Variants in PEBP4 observed in about 807,000 individuals in gnomAD.
PEBP4 encodes the protein phosphatidylethanolamine binding protein 4.
Under a neutral mutation model 23.9 loss-of-function variants are expected in PEBP4, and 22 were observed. The ratio of observed to expected loss-of-function variants is 0.92; its 90% confidence interval spans 0.66 to 1.31. The LOEUF is 1.31. PEBP4 is among the 40% of genes most tolerant of loss of function. The pLI is 0.00. For missense variants in PEBP4, 324 were observed against 281.7 expected (o/e 1.15, Z -1.07); for synonymous variants, 112 against 99.3 (o/e 1.13, Z -0.76).
intron 4 of PEBP4, among the ~76,000 whole-genome samples, chr8:22,753,743 G>A (rs1216177917): frequency 3.9e-5 from 6 of 152,204 alleles, no homozygotes; most frequent in Non-Finnish European, 7.3e-5. Context: ...CCGGGCTGGT[G>A]GCCGCCTCAA....
rs541612178 is a variant in PEBP4, at chr8:22,738,109, C to T, written c.358-10889G>A. On this transcript the variant is annotated intron_variant, in intron 4 of 6. Coordinates refer to ENST00000256404, the MANE Select transcript of PEBP4 (RefSeq NM_144962.3). ...TCAGCTGTGAATGTTGGGCCTGCCC[C>T]GCTGGGCCTATACTCAGCCAGGGTG... is the stretch of plus-strand genomic sequence containing the variant. Among the ~76,000 whole-genome samples the T allele has an allele frequency of 2.1e-3, 326 of 152,314 alleles. 2 individuals carry two copies. The highest frequency in any genetic ancestry group is 3.6e-3 in the Non-Finnish European group (247 of 68,028).
chr8:22,890,910 T>C (rs2128774651), intron 3 of PEBP4, among the ~76,000 whole-genome samples: 1 of 152,312 alleles, frequency 6.6e-6, no homozygotes, highest in Non-Finnish European at 1.5e-5. Context: ...TCACTGCAAC[T>C]TCTGCCTCCC....
Position 22,832,840 on chromosome 8 carries a change from C to T in PEBP4, c.259-15105G>A, listed in dbSNP as rs979134411. On this transcript the variant is annotated intron_variant, in intron 3 of 6. Transcript: ENST00000256404. ...ATTCCTAGAGATAGCAAACACCCAC[C>T]CCAGAGCACATTCTTCAAATGCCAG... Among the ~76,000 whole-genome samples, 77 of 152,150 alleles carry T rather than the reference C, an allele frequency of 5.1e-4. 1 individual carries two copies. Among genetic ancestry groups the T allele is most frequent in the Admixed American group, 2.4e-3 (36 of 15,286 alleles).
intron 4 of PEBP4, among the ~76,000 whole-genome samples, chr8:22,761,260 G>A (rs768417614): frequency 6.6e-5 from 10 of 152,170 alleles, no homozygotes; most frequent in Non-Finnish European, 1.5e-4. Context: ...GTTTGTGTGT[G>A]TGTGAACCCC....
intron 3 of PEBP4, among the ~76,000 whole-genome samples, chr8:22,860,385 T>G (rs1807751597): frequency 6.6e-6 from 1 of 151,976 alleles, no homozygotes; most frequent in South Asian, 2.1e-4. Context: ...AACGACTCCC[T>G]CTTCCCTCTC....
chr8:22,779,329 T>C lies in PEBP4; in HGVS notation c.357+38308A>G, dbSNP rs1805873388. On this transcript the variant is annotated intron_variant, in intron 4 of 6. Coordinates refer to ENST00000256404, the MANE Select transcript of PEBP4 (RefSeq NM_144962.3). ...CTAAGACGGCTGTTATTGGCCTCAA[T>C]TTACAAAGAATCTGAGCTGCAGAGA... is the stretch of plus-strand genomic sequence containing the variant. Among the ~76,000 whole-genome samples the C allele has an allele frequency of 1.3e-5, 2 of 152,078 alleles. 1 individual carries two copies. The highest frequency in any genetic ancestry group is 4.1e-4 in the South Asian group (2 of 4,828).
chr8:22,831,595 C>T (rs986889402), intron 3 of PEBP4, among the ~76,000 whole-genome samples: 1 of 152,082 alleles, frequency 6.6e-6, no homozygotes, highest in African/African-American at 2.4e-5. Context: ...TAGTAGCCTA[C>T]AGGGGGAGTT....
chr8:22,720,268 C>T (rs1191520618), intron 6 of PEBP4, among the ~76,000 whole-genome samples: 1 of 152,200 alleles, frequency 6.6e-6, no homozygotes, highest in African/African-American at 2.4e-5. Flanking sequence ...ACTAGAGATG[C>T]CAACAGCAGG....
chr8:22,929,215 T>G (rs1305493295), upstream of PEBP4, among the ~76,000 whole-genome samples: 2 of 152,198 alleles, frequency 1.3e-5, no homozygotes, highest in Non-Finnish European at 2.9e-5. Flanking sequence ...ATTCATTCAT[T>G]CCTTTGCAAC....
chr8:22,877,244 T>A (rs1043118956), intron 3 of PEBP4, among the ~76,000 whole-genome samples: 2 of 152,198 alleles, frequency 1.3e-5, no homozygotes, highest in African/African-American at 4.8e-5. Context: ...TCTCTCCCTG[T>A]CCTCAGTTGT....
intron 4 of PEBP4, among the ~76,000 whole-genome samples, chr8:22,782,946 C>G (rs182582432): frequency 6.6e-6 from 1 of 152,222 alleles, no homozygotes; most frequent in Admixed American, 6.5e-5. Context: ...GCTCCCTCAG[C>G]TTTCCTGCCC....
chr8:22,736,745 T>C (rs756123356), intron 4 of PEBP4, among the ~76,000 whole-genome samples: 3 of 152,366 alleles, frequency 2.0e-5, no homozygotes, highest in African/African-American at 7.2e-5. Context: ...TAGCTTTTGA[T>C]ATCAACCTCA....
intron 3 of PEBP4, among the ~76,000 whole-genome samples, chr8:22,855,884 AT>A (rs1302776304): frequency 6.6e-6 from 1 of 151,902 alleles, no homozygotes; most frequent in Non-Finnish European, 1.5e-5. Context: ...TTACAAAAAA[AT>A]TTTAAAAATA....
intron 4 of PEBP4, among the ~76,000 whole-genome samples, chr8:22,765,695 T>C (rs904337242): frequency 6.6e-6 from 1 of 152,246 alleles, no homozygotes; most frequent in Non-Finnish European, 1.5e-5. Flanking sequence ...TGCATGTGAG[T>C]GTGTGTATAG....
chr8:22,842,626 G>C (rs904729120), intron 3 of PEBP4, among the ~76,000 whole-genome samples: 1 of 152,120 alleles, frequency 6.6e-6, no homozygotes, highest in African/African-American at 2.4e-5. Flanking sequence ...TCTGTCAACA[G>C]ACCAGGATCC....
intron 3 of PEBP4, among the ~76,000 whole-genome samples, chr8:22,820,124 G>C (rs1806826869): frequency 6.6e-6 from 1 of 152,180 alleles, no homozygotes; most frequent in Admixed American, 6.5e-5. Flanking sequence ...GTGAGATAGT[G>C]AGGAATGAGG....
At chr8:22,761,807 C>T (rs899204873) in intron 4 of PEBP4, among the ~76,000 whole-genome samples, 4 of 152,058 alleles carry the variant, frequency 2.6e-5, no homozygotes, top group Non-Finnish European at 5.9e-5. Context: ...TTCTTTCTCG[C>T]TCTCTCTCTT....
chr8:22,845,855 CTG>C (rs1464124706), intron 3 of PEBP4, among the ~76,000 whole-genome samples: 10 of 152,244 alleles, frequency 6.6e-5, no homozygotes, highest in African/African-American at 2.2e-4. Context: ...CAGCTCCTCT[CTG>C]GACCTGGCAC....
At chr8:22,925,482 TGGG>T (rs1215272543) in intron 2 of PEBP4, 1 of 350,138 alleles carries the variant, frequency 2.9e-6, no homozygotes, top group Non-Finnish European at 4.0e-6. Context: ...ATCTGCAGAA[TGGG>T]GGTGCTAACA....
Sources: allele counts gnomAD v4.1 joint callset (sites outside exome capture counted in the v4.1 genomes callset), GRCh38; gene constraint gnomAD v4.1.1; transcripts MANE v1.5; gene names NCBI Gene and HGNC (gene_info 2026-07-23, HGNC 2026-07-21).